CNTNAP3: variants seen among roughly 807,000 people sequenced by gnomAD.
CNTNAP3 encodes the protein contactin-associated protein-like 3.
In CNTNAP3, 36 loss-of-function variants were observed where a neutral mutation model predicts 92.1. The observed-to-expected ratio is 0.39, with a 90% confidence interval of 0.30 to 0.52. The LOEUF is 0.52. Ranked by LOEUF, CNTNAP3 falls within the 20% of genes least tolerant of loss-of-function variation. The pLI, the probability that CNTNAP3 is intolerant of heterozygous loss-of-function variation, is 0.76. For synonymous variants in CNTNAP3, 232 were observed against 422.3 expected (o/e 0.55, Z 5.53); for missense variants, 534 against 1,069.6 (o/e 0.50, Z 6.98).
chr9:39,114,031 T>TACACACAC (rs201660566), intron 14 of CNTNAP3, among the ~76,000 whole-genome samples: 2 of 132,124 alleles, frequency 1.5e-5, no homozygotes, highest in African/African-American at 5.8e-5. Context: ...TATACACACA[T>TACACACAC]ATATACACAC....
At chr9:39,114,461 TTAGA>T (rs752120130) in intron 14 of CNTNAP3, among the ~76,000 whole-genome samples, 7 of 152,138 alleles carry the variant, frequency 4.6e-5, no homozygotes, top group Admixed American at 2.0e-4. Context: ...TATCTCAGCA[TTAGA>T]TAGAGTTCAA....
chr9:39,068,185 A>T lies in CNTNAP3; in HGVS notation c.*5705T>A, dbSNP rs1234452949. Among the ~76,000 whole-genome samples, 1 of 152,288 alleles carries T rather than the reference A, an allele frequency of 6.6e-6. No homozygotes were observed. Among genetic ancestry groups the T allele is most frequent in the Admixed American group, 6.5e-5 (1 of 15,286 alleles). ...GAGGCTGAGGTGGGCAGATCATGAGATCCAGAGATCGAGACCATCCTGGCT... is the reference window on the plus strand; with the variant it reads ...GAGGCTGAGGTGGGCAGATCATGAGTTCCAGAGATCGAGACCATCCTGGCT... On this transcript the variant is annotated 3_prime_UTR_variant, in exon 24 of 24. Coordinates refer to ENST00000297668, the MANE Select transcript of CNTNAP3 (RefSeq NM_033655.5).
Position 39,065,646 on chromosome 9 carries a change from A to G in CNTNAP3, c.*8244T>C, listed in dbSNP as rs1225632683. Among the ~76,000 whole-genome samples, 2 of 152,218 alleles carry G rather than the reference A, an allele frequency of 1.3e-5. No individual in the cohort carries two copies. Among genetic ancestry groups the G allele is most frequent in the Non-Finnish European group, 2.9e-5 (2 of 68,024 alleles). On this transcript the variant is annotated 3_prime_UTR_variant, in exon 24 of 24. Transcript: ENST00000297668. The stretch of plus-strand genomic sequence containing the variant: ...CTCAACAACACGTGGTACTGACAAT[A>G]TTTTTAATCATAACCATTTTAGTGG...
At position 39,287,172 on chromosome 9, in the gene CNTNAP3, G is replaced by A; in HGVS notation, c.85+808C>T. ...AACATTTTTATGTGTGATAAAATAT[G>A]GGTACATTATGTTTTGCTCATCTGT... On this transcript the variant is annotated intron_variant, in intron 1 of 23. Coordinates refer to ENST00000297668, the MANE Select transcript of CNTNAP3 (RefSeq NM_033655.5). Among the ~76,000 whole-genome samples the A allele has an allele frequency of 3.5e-5, 2 of 56,384 alleles. 1 individual carries two copies. Among genetic ancestry groups the A allele is most frequent in the Non-Finnish European group, 1.1e-4 (2 of 19,020 alleles). The allele number at this position is 56,384 out of a possible 152,430, so 37.0% of individuals were successfully genotyped here.
intron 12 of CNTNAP3, among the ~76,000 whole-genome samples, chr9:39,136,171 A>G (rs945003524): frequency 6.6e-6 from 1 of 150,540 alleles, no homozygotes; most frequent in East Asian, 2.0e-4. Flanking sequence ...AATAAAAATA[A>G]TAGTTGTATG....
At chr9:39,153,831 T>TTG (rs1407462098) in intron 9 of CNTNAP3, among the ~76,000 whole-genome samples, 1 of 141,076 alleles carries the variant, frequency 7.1e-6, no homozygotes, top group Non-Finnish European at 1.5e-5. Flanking sequence ...AGTGCTGGGA[T>TTG]TACAGGTGAG....
chr9:39,121,962 T>C (rs1213998084), intron 13 of CNTNAP3, among the ~76,000 whole-genome samples: 2 of 152,138 alleles, frequency 1.3e-5, no homozygotes, highest in South Asian at 2.1e-4. Context: ...CTACCCTTCT[T>C]TTCTTACCCA....
Position 39,099,937 on chromosome 9 carries a change from G to T in CNTNAP3, c.2969C>A (p.Ala990Asp). The change falls in exon 18 of 24, where the codon GCC becomes GAC. Residue 990 changes from alanine (A) to aspartate (D), a missense_variant. Physicochemically the swap from Ala to Asp is moderately radical, Grantham distance 126 (BLOSUM62 -2). Transcript: ENST00000297668. ...RGVTCDCAFS[A>D]YDGPFCSNEI... The stretch of plus-strand genomic sequence containing the variant: ...ATTGGAGCAGAACGGCCCATCATAG[G>T]CTGAGAAGGCACAGTCACAGGTGAC... 6.2e-7 allele frequency: 1 copy of T among 1,611,022 alleles called. No homozygotes were observed. The highest frequency in any genetic ancestry group is 8.5e-7 in the Non-Finnish European group (1 of 1,179,398).
rs1434878451 is a variant in CNTNAP3, at chr9:39,065,511, G to A, written c.*8379C>T. Among the ~76,000 whole-genome samples, 82 of 150,600 alleles carry A rather than the reference G, an allele frequency of 5.4e-4. No individual in the cohort carries two copies. The highest frequency in any genetic ancestry group is 1.9e-3 in the African/African-American group (79 of 40,722). Reference sequence around the variant, plus strand: ...CTAGGATTGGAATTGTTGGGTCATAGGTTTCATGTATGCTTAATTATATAA... The same window carrying A: ...CTAGGATTGGAATTGTTGGGTCATAAGTTTCATGTATGCTTAATTATATAA... On this transcript the variant is annotated 3_prime_UTR_variant, in exon 24 of 24. Coordinates refer to ENST00000297668, the MANE Select transcript of CNTNAP3 (RefSeq NM_033655.5).
At chr9:39,108,959 T>C (rs1826673843) in intron 15 of CNTNAP3, among the ~76,000 whole-genome samples, 1 of 152,072 alleles carries the variant, frequency 6.6e-6, no homozygotes, top group Non-Finnish European at 1.5e-5. Flanking sequence ...ATGATTCATT[T>C]TCTATAAACT....
intron 21 of CNTNAP3, among the ~76,000 whole-genome samples, chr9:39,084,014 G>A (rs1421529499): frequency 6.6e-6 from 1 of 151,122 alleles, no homozygotes; most frequent in African/African-American, 2.4e-5. Context: ...TTTTTCTAAG[G>A]CATTGTTAGG....
chr9:39,079,249 A>T (rs1208833915), intron 21 of CNTNAP3, among the ~76,000 whole-genome samples: 5 of 152,262 alleles, frequency 3.3e-5, no homozygotes, highest in South Asian at 4.2e-4. Context: ...AAAATATAGC[A>T]TTAAAATAAA....
At position 39,103,826 on chromosome 9, in the gene CNTNAP3, GCA is replaced by G. The variant is rs775402114; in HGVS notation, c.2452_2453del (p.Cys818LeufsTer4). 2 of 1,610,914 alleles carry G rather than the reference GCA, an allele frequency of 1.2e-6. No homozygotes were observed. Among genetic ancestry groups the G allele is most frequent in the African/African-American group, 2.7e-5 (2 of 74,708 alleles). The stretch of plus-strand genomic sequence containing the variant: ...AGGAAACTGTGGTCTTAAAAAAGAA[GCA>G]CACGTCAGCAGTGAGTTCTCCGTGG... ...AFHGELTADV[C>X]FFFKTTVSSG... On this transcript the variant is annotated frameshift_variant, in exon 16 of 24. Transcript: ENST00000297668. LOFTEE classifies it high-confidence loss of function.
At position 39,152,803 on chromosome 9, in the gene CNTNAP3, G is replaced by A. The variant is rs1188076354; in HGVS notation, c.1478-2826C>T. On this transcript the variant is annotated intron_variant, in intron 9 of 23. Transcript: ENST00000297668. The stretch of plus-strand genomic sequence containing the variant: ...CCCGAGTGGCTGGGACTACAGGCAC[G>A]CGCCACCACACCCTGCTAATTTTTT... Among the ~76,000 whole-genome samples the A allele has an allele frequency of 4.0e-5, 5 of 124,920 alleles. 1 individual carries two copies. In the South Asian group the frequency reaches 1.1e-3, roughly 27 times the overall value. The allele number at this position is 124,920 out of a possible 152,430, so 82.0% of individuals were successfully genotyped here. A position where few individuals can be genotyped will look rare whatever the true frequency, so the allele number is the denominator to read the frequency against.
intron 10 of CNTNAP3, among the ~76,000 whole-genome samples, chr9:39,148,013 A>G (rs1821744278): frequency 6.6e-6 from 1 of 152,154 alleles, no homozygotes; most frequent in African/African-American, 2.4e-5. Flanking sequence ...GTGTGGGCCC[A>G]TGGGACATTA....
At chr9:39,140,098 G>C (rs1014239266) in intron 12 of CNTNAP3, 3 of 155,242 alleles carry the variant, frequency 1.9e-5, no homozygotes, top group African/African-American at 7.2e-5. Flanking sequence ...AAGTTTCTTT[G>C]GTTATGAAAA....
At position 39,152,893 on chromosome 9, in the gene CNTNAP3, C is replaced by T. The variant is rs564854833; in HGVS notation, c.1478-2916G>A. Reference sequence around the variant, plus strand: ...ATATTAGCCAGGATGGTCTTGATCTCCTGACCTCGTGATCCACCTGCCTCG... The same window carrying T: ...ATATTAGCCAGGATGGTCTTGATCTTCTGACCTCGTGATCCACCTGCCTCG... On this transcript the variant is annotated intron_variant, in intron 9 of 23. Coordinates refer to ENST00000297668, the MANE Select transcript of CNTNAP3 (RefSeq NM_033655.5). Among the ~76,000 whole-genome samples, 10 of 107,142 alleles carry T rather than the reference C, an allele frequency of 9.3e-5. 1 individual carries two copies. Among genetic ancestry groups the T allele is most frequent in the Non-Finnish European group, 1.6e-4 (9 of 55,454 alleles). 70.3% of individuals were successfully genotyped at this position (107,142 alleles called of 152,430 possible).
At chr9:39,111,731 G>C (rs1407446428) in intron 14 of CNTNAP3, among the ~76,000 whole-genome samples, 1 of 152,118 alleles carries the variant, frequency 6.6e-6, no homozygotes, top group Non-Finnish European at 1.5e-5. Flanking sequence ...TATTTTAAAA[G>C]ATCTATTTCA....
At chr9:39,125,663 A>G (rs1452630222) in intron 13 of CNTNAP3, among the ~76,000 whole-genome samples, 1 of 152,190 alleles carries the variant, frequency 6.6e-6, no homozygotes, top group Admixed American at 6.6e-5. Flanking sequence ...ACTAACCAAA[A>G]AGAAAGCCAG....
Sources: gnomAD v4.1 joint callset for allele counts (sites outside exome capture counted in the v4.1 genomes callset) on GRCh38, gnomAD v4.1.1 for gene constraint, MANE v1.5 for transcripts, NCBI Gene and HGNC (gene_info 2026-07-23, HGNC 2026-07-21) for gene names.